The following RAB8B variants were observed in gnomAD, a reference collection of about 807,000 sequenced individuals.
The protein encoded by RAB8B is RAB8B, member RAS oncogene family, also known as ras-related protein Rab-8B.
Under a neutral mutation model 32.0 loss-of-function variants are expected in RAB8B, and 11 were observed. The observed-to-expected ratio is 0.34, with a 90% CI of 0.22 to 0.57. The LOEUF (loss-of-function observed/expected upper bound fraction) is 0.57, where lower values mean the gene tolerates loss of function less well. RAB8B is among the 20% of genes least tolerant of loss of function. The probability of loss-of-function intolerance (pLI) is 0.86; values close to 1 mark genes in which losing one functional copy is unlikely to be tolerated. For missense variants in RAB8B, 190 were observed against 258.5 expected (o/e 0.73, Z 1.82); for synonymous variants, 103 against 89.6 (o/e 1.15, Z -0.85).
At chr15:63,197,852 A>G (rs1473751553) in intron 1 of RAB8B, among the ~76,000 whole-genome samples, 1 of 152,116 alleles carries the variant, frequency 6.6e-6, no homozygotes, top group Admixed American at 6.5e-5. Context: ...ATGGATTCCT[A>G]ATGTCTGCCA....
intron 1 of RAB8B, among the ~76,000 whole-genome samples, chr15:63,238,380 C>G (rs1211084597): frequency 6.6e-6 from 1 of 152,114 alleles, no homozygotes; most frequent in Non-Finnish European, 1.5e-5. Context: ...GGAGGACTCT[C>G]CTAGCAGCTG....
chr15:63,237,787 A>T (rs765160531), intron 1 of RAB8B, among the ~76,000 whole-genome samples: 1 of 152,076 alleles, frequency 6.6e-6, no homozygotes, highest in Non-Finnish European at 1.5e-5. Context: ...CTTGCAGGGT[A>T]TTACTGTAGA....
intron 5 of RAB8B, among the ~76,000 whole-genome samples, chr15:63,258,294 G>C (rs976829934): frequency 1.1e-4 from 17 of 152,020 alleles, no homozygotes; most frequent in African/African-American, 3.9e-4. Context: ...TACAGACGGG[G>C]TTTCACCATG....
intron 1 of RAB8B, among the ~76,000 whole-genome samples, chr15:63,225,679 A>G (rs950987746): frequency 6.6e-6 from 1 of 152,192 alleles, no homozygotes; most frequent in Non-Finnish European, 1.5e-5. Context: ...TGAAATTTTA[A>G]TGACTATTAG....
At chr15:63,214,377 C>T (rs1422723725) in intron 1 of RAB8B, among the ~76,000 whole-genome samples, 3 of 149,812 alleles carry the variant, frequency 2.0e-5, no homozygotes, top group South Asian at 2.1e-4. Flanking sequence ...CTGTAGCCTC[C>T]GCCTCCCAGG....
intron 1 of RAB8B, among the ~76,000 whole-genome samples, chr15:63,197,391 T>A (rs1595732243): frequency 7.3e-6 from 1 of 136,402 alleles, no homozygotes; most frequent in Admixed American, 7.3e-5. Flanking sequence ...TTTTTTTTTT[T>A]AAGACAGAGT....
At chr15:63,218,427 A>G (rs1446905507) in intron 1 of RAB8B, among the ~76,000 whole-genome samples, 1 of 152,222 alleles carries the variant, frequency 6.6e-6, no homozygotes, top group Non-Finnish European at 1.5e-5. Context: ...CTGAGCAGGG[A>G]TCTCAGGAGA....
chr15:63,195,986 C>T (rs539083425), intron 1 of RAB8B, among the ~76,000 whole-genome samples: 19 of 152,266 alleles, frequency 1.2e-4, no homozygotes, highest in Admixed American at 5.9e-4. Context: ...GGAGTGGACC[C>T]AGAATGGGAA....
In RAB8B at chr15:63,263,711, C is replaced by A; in HGVS notation, c.*92C>A. 2.0e-6 allele frequency: 2 copies of A among 1,022,866 alleles called. No homozygotes were observed. Among genetic ancestry groups the A allele is most frequent in the East Asian group, 2.5e-5 (1 of 39,578 alleles). 63.4% of individuals were successfully genotyped at this position (1,022,866 alleles called of 1,614,324 possible). A position where few individuals can be genotyped will look rare whatever the true frequency, so the allele number is the denominator to read the frequency against. On this transcript the variant is annotated 3_prime_UTR_variant, in exon 8 of 8. Coordinates refer to ENST00000321437, the MANE Select transcript of RAB8B (RefSeq NM_016530.3). ...CACCCAGCCTCAGAATCACACCTCC[C>A]GGCTGCTGCTGAGAGCACCACTGAA...
At chr15:63,195,965 T>G (rs1004617032) in intron 1 of RAB8B, among the ~76,000 whole-genome samples, 10 of 152,186 alleles carry the variant, frequency 6.6e-5, no homozygotes, top group African/African-American at 2.4e-4. Context: ...TGGTGGGAAC[T>G]ATGAGTAAGG....
At chr15:63,198,264 T>G (rs1250877829) in intron 1 of RAB8B, among the ~76,000 whole-genome samples, 1 of 152,206 alleles carries the variant, frequency 6.6e-6, no homozygotes, top group Admixed American at 6.5e-5. Flanking sequence ...TTTCTTGCTG[T>G]CCTACTTGTA....
intron 1 of RAB8B, among the ~76,000 whole-genome samples, chr15:63,233,350 C>CAG (rs1174146416): frequency 6.6e-6 from 1 of 152,080 alleles, no homozygotes; most frequent in Non-Finnish European, 1.5e-5. Context: ...AGGCATTAGC[C>CAG]ACTGTTCCCA....
At chr15:63,239,611 A>G (rs2038015212) in intron 1 of RAB8B, among the ~76,000 whole-genome samples, 1 of 151,978 alleles carries the variant, frequency 6.6e-6, no homozygotes, top group Non-Finnish European at 1.5e-5. Context: ...GGGTTTTGCC[A>G]TGTTGGCCAG....
rs1014479824 is a variant in RAB8B, at chr15:63,257,487, G to A, written c.414+893G>A. 2.6e-5 allele frequency among the ~76,000 whole-genome samples: 4 copies of A among 151,950 alleles called. No individual in the cohort carries two copies. In the East Asian group the frequency reaches 7.8e-4, roughly 30 times the overall value. On this transcript the variant is annotated intron_variant, in intron 5 of 7. Coordinates refer to ENST00000321437, the MANE Select transcript of RAB8B (RefSeq NM_016530.3). ...TTGCCGTGCTGGCCAGGCTGCTCTT[G>A]AACTCCCGGCCTCAAGCAATCCACC...
chr15:63,265,673 C>T lies in RAB8B; in HGVS notation c.*2054C>T, dbSNP rs1181434771. 2.0e-5 allele frequency: 3 copies of T among 152,462 alleles called. No homozygotes were observed. The highest frequency in any genetic ancestry group is 2.9e-5 in the Non-Finnish European group (2 of 67,984). The allele number at this position is 152,462 out of a possible 1,614,324, so 9.4% of individuals were successfully genotyped here. ...TACCTCTGACTATTTGGTGTCTTAA[C>T]GCTTTGGTTTATATAATCTCAGGGG... On this transcript the variant is annotated 3_prime_UTR_variant, in exon 8 of 8. Transcript: ENST00000321437. This position sits in a 1 kb window ranked among gnomAD's most constrained non-coding sequence, Gnocchi z 4.9.
chr15:63,193,679 C>T (rs994506612), intron 1 of RAB8B, among the ~76,000 whole-genome samples: 1 of 151,734 alleles, frequency 6.6e-6, no homozygotes, highest in African/African-American at 2.4e-5. Context: ...GGGGTGGCAG[C>T]GGGCACCTGT....
At chr15:63,209,831 A>T (rs1319797931) in intron 1 of RAB8B, among the ~76,000 whole-genome samples, 2 of 151,804 alleles carry the variant, frequency 1.3e-5, no homozygotes, top group Non-Finnish European at 2.9e-5. Flanking sequence ...TACATGTGCC[A>T]TGGTGGTTTG....
chr15:63,238,435 G>C lies in RAB8B; in HGVS notation c.125-6321G>C, dbSNP rs142723147. Among the ~76,000 whole-genome samples, 408 of 152,202 alleles carry C rather than the reference G, an allele frequency of 2.7e-3. 3 individuals are homozygous for C. Among genetic ancestry groups the C allele is most frequent in the African/African-American group, 8.1e-3 (336 of 41,516 alleles). On this transcript the variant is annotated intron_variant, in intron 1 of 7. Coordinates refer to ENST00000321437, the MANE Select transcript of RAB8B (RefSeq NM_016530.3). ...AGATGTTGTGGCAGCTACTTGGGCT[G>C]CTCATTGTCCCCTTTTTCTTTCTTA...
chr15:63,196,292 C>T (rs1297481598), intron 1 of RAB8B, among the ~76,000 whole-genome samples: 2 of 152,220 alleles, frequency 1.3e-5, no homozygotes, highest in African/African-American at 2.4e-5. Context: ...GGTTACAGTA[C>T]TTTAAAATAG....
Sources: gnomAD v4.1 joint callset for allele counts (sites outside exome capture counted in the v4.1 genomes callset) on GRCh38, gnomAD v4.1.1 for gene constraint, Gnocchi (gnomAD v3.1) non-coding constraint, MANE v1.5 for transcripts, NCBI Gene and HGNC (gene_info 2026-07-23, HGNC 2026-07-21) for gene names.